The following CEP104 variants were observed in gnomAD, a reference collection of about 807,000 sequenced individuals.
The protein encoded by CEP104 is centrosomal protein 104, also known as centrosomal protein of 104 kDa.
A neutral mutation model predicts 113.3 loss-of-function variants in CEP104; 84 were observed. That is an observed-to-expected ratio of 0.74 (90% CI 0.62 to 0.89). CEP104 has a LOEUF of 0.89. CEP104 is among the 40% of genes least tolerant of loss of function. CEP104 has a pLI of 0.00. For missense variants in CEP104, 1,053 were observed against 1,156.6 expected (o/e 0.91, Z 1.30); for synonymous variants, 378 against 421.7 (o/e 0.90, Z 1.27).
rs183971156 is a variant in CEP104 at position 3,850,438 on chromosome 1, C to T, written c.114-1657G>A. 2.6e-5 allele frequency among the ~76,000 whole-genome samples: 4 copies of T among 152,312 alleles called. No individual in the cohort carries two copies. In the East Asian group the frequency reaches 5.8e-4, roughly 22 times the overall value. On this transcript the variant is annotated intron_variant, in intron 2 of 21. Transcript: ENST00000378230. ...GGGGCTACGGTTGGTGCAAACTTTACGGTTTCTTGGAAAAACGTCTTGCTC... is the reference window on the plus strand; with the variant it reads ...GGGGCTACGGTTGGTGCAAACTTTATGGTTTCTTGGAAAAACGTCTTGCTC...
chr1:3,816,188 T>A (rs937494314), intron 21 of CEP104, 92 bp downstream of exon 21: 2 of 1,085,624 alleles, frequency 1.8e-6, no homozygotes, highest in Admixed American at 2.5e-5. Context: ...AGGGATGGGG[T>A]CTTGCCATGT....
At chr1:3,843,310 C>A (rs578091906) in intron 6 of CEP104, 1 of 641,308 alleles carries the variant, frequency 1.6e-6, no homozygotes, top group East Asian at 2.9e-5. Context: ...GATTCACCCC[C>A]GGTTCTTACA....
In CEP104 at chr1:3,829,837, T is replaced by C; in HGVS notation, c.1997A>G (p.Glu666Gly). ...TCTGCCATCTATTTTAGCAAATCCC[T>C]CAAAAATTGTTTTGTAGAGAATGTT... ...RRNILYKTIF[E>G]GFAKIDGRAT... is the part of the protein sequence containing the mutation. The change falls in exon 14 of 22, where the codon GAG (glutamate) becomes GGG (glycine). Residue 666 changes from glutamate (E) to glycine (G), a missense_variant. Physicochemically the swap from Glu to Gly is moderately conservative, Grantham distance 98. Coordinates refer to ENST00000378230, the MANE Select transcript of CEP104 (RefSeq NM_014704.4). 1 of 1,614,222 alleles carries C rather than the reference T, an allele frequency of 6.2e-7. No individual in the cohort carries two copies. Among genetic ancestry groups the C allele is most frequent in the Middle Eastern group, 1.6e-4 (1 of 6,062 alleles).
At position 3,816,316 on chromosome 1, in the gene CEP104, T is replaced by C. The variant is rs1170789238; in HGVS notation, c.2626A>G (p.Thr876Ala). 1.3e-6 allele frequency: 2 copies of C among 1,553,638 alleles called. No individual in the cohort carries two copies. Among genetic ancestry groups the C allele is most frequent in the Non-Finnish European group, 1.7e-6 (2 of 1,148,084 alleles). ...PAGCTMNLRKTHILQKAPALQ... is the reference protein window; with the variant it reads ...PAGCTMNLRKAHILQKAPALQ... ...GCCGGGGCCTTCTGCAGAATGTGTG[T>C]CTTGCGCAGGTTCATCGTGCAGCCG... is the stretch of plus-strand genomic sequence containing the variant. Residue 876 changes from threonine (T) to alanine (A), a missense_variant, in exon 21 of 22, where the codon ACA becomes GCA. Physicochemically the swap from Thr to Ala is moderately conservative, Grantham distance 58. Transcript: ENST00000378230.
chr1:3,825,295 C>T (rs1223240680), intron 18 of CEP104, among the ~76,000 whole-genome samples: 1 of 152,226 alleles, frequency 6.6e-6, no homozygotes, highest in East Asian at 1.9e-4. Context: ...AAGTGCATTC[C>T]TGTGCATCCT....
chr1:3,848,843 G>A lies in CEP104; in HGVS notation c.114-62C>T. 8 of 1,394,980 alleles carry A rather than the reference G, an allele frequency of 5.7e-6. No individual in the cohort carries two copies. In the South Asian group the frequency reaches 8.6e-5, roughly 15 times the overall value. The allele number at this position is 1,394,980 out of a possible 1,614,324, so 86.4% of individuals were successfully genotyped here. On this transcript the variant is annotated intron_variant, in intron 2 of 21. Coordinates refer to ENST00000378230, the MANE Select transcript of CEP104 (RefSeq NM_014704.4). ...TTCTGCAGAGGGTTTCTAGATGCTA[G>A]CATCTCATTCTTGCAGGTAAGAAGC...
chr1:3,852,196 A>G, intron 2 of CEP104, 99 bp downstream of exon 2: 1 of 1,142,192 alleles, frequency 8.8e-7, no homozygotes, highest in Non-Finnish European at 1.2e-6. Flanking sequence ...TGTCCGAGTG[A>G]TAGTAAAATC....
In CEP104 at chr1:3,838,988, C is replaced by A; in HGVS notation, c.867G>T (p.Leu289=). ...YRAEVYEQLE[L]HSLLDAELMR... ...CCAGCTCGGCATCCAGGAGGCTGTG[C>A]AGCTCCAGCTGCTCGTACACCTCGG... The change falls in exon 8 of 22, where the codon CTG becomes CTT. Residue 289 remains leucine, a synonymous_variant. Coordinates refer to ENST00000378230, the MANE Select transcript of CEP104 (RefSeq NM_014704.4). 6.2e-7 allele frequency: 1 copy of A among 1,614,164 alleles called. No homozygotes were observed. Among genetic ancestry groups the A allele is most frequent in the Non-Finnish European group, 8.5e-7 (1 of 1,180,036 alleles).
chr1:3,838,062 C>T (rs1236192708), intron 8 of CEP104, among the ~76,000 whole-genome samples: 1 of 152,228 alleles, frequency 6.6e-6, no homozygotes, highest in East Asian at 1.9e-4. Context: ...TGATGGAAAA[C>T]TGAGGCATAA....
In CEP104 at chr1:3,815,392, G is replaced by GA. The variant is rs1643864820; in HGVS notation, c.*9dup. Reference sequence around the variant, plus strand: ...ATCCCTCACAGAGACCAAGGAGCCCGAGCGCCGCGTCAGCGCTTGGCGTAC... The same window carrying GA: ...ATCCCTCACAGAGACCAAGGAGCCCGAAGCGCCGCGTCAGCGCTTGGCGTAC... On this transcript the variant is annotated 3_prime_UTR_variant, in exon 22 of 22. Coordinates refer to ENST00000378230, the MANE Select transcript of CEP104 (RefSeq NM_014704.4). 6.3e-7 allele frequency: 1 copy of GA among 1,589,034 alleles called. No homozygotes were observed. Among genetic ancestry groups the GA allele is most frequent in the Non-Finnish European group, 8.6e-7 (1 of 1,163,748 alleles).
At chr1:3,843,049 A>T in intron 6 of CEP104, 2 of 496,228 alleles carry the variant, frequency 4.0e-6, no homozygotes, top group Non-Finnish European at 7.4e-6. Flanking sequence ...CAGCCTCCCA[A>T]AGTGCTGGGA....
intron 2 of CEP104, among the ~76,000 whole-genome samples, chr1:3,850,950 G>A (rs1006771012): frequency 1.5e-4 from 23 of 152,364 alleles, no homozygotes; most frequent in African/African-American, 4.1e-4. Context: ...AACATGTGCT[G>A]TGAGCGTACA....
At chr1:3,826,883 A>C in intron 15 of CEP104, 139 bp from the exon 16 acceptor site, 60 of 862,972 alleles carry the variant, frequency 7.0e-5, no homozygotes, top group Non-Finnish European at 1.1e-4. Context: ...AAGGTGGCTC[A>C]TGCCCGTAAT....
Position 3,836,492 on chromosome 1 carries a change from TACCAA to T in CEP104, c.1315_1317+2del. The T allele has an allele frequency of 6.5e-7, 1 of 1,543,054 alleles. No homozygotes were observed. The highest frequency in any genetic ancestry group is 2.3e-5 in the East Asian group (1 of 43,300). On this transcript the variant is annotated splice_donor_variant and coding_sequence_variant, in exon 10 of 22. Transcript: ENST00000378230. LOFTEE classifies it high-confidence loss of function. ...CGTTTTTTTTTTTTTTTTTTTTTTT[TACCAA>T]GGTTTCTCCCAACACATCGATGGCA... is the stretch of plus-strand genomic sequence containing the variant.
chr1:3,833,990 A>T lies in CEP104; in HGVS notation c.1531T>A (p.Tyr511Asn). ...LKLLKMIITQ[Y>N]IPKHKLSKLE... Reference sequence around the variant, plus strand: ...TTACTCAGTTTATGTTTAGGAATATATTGTGTAATGATCATTTTCAACAAT... The same window carrying T: ...TTACTCAGTTTATGTTTAGGAATATTTTGTGTAATGATCATTTTCAACAAT... Residue 511 changes from tyrosine to asparagine, a missense_variant, in exon 12 of 22, where the codon TAT (tyrosine) becomes AAT (asparagine). Tyr to Asn is a moderately radical substitution (Grantham distance 143). Coordinates refer to ENST00000378230, the MANE Select transcript of CEP104 (RefSeq NM_014704.4). The T allele has an allele frequency of 6.2e-7, 1 of 1,613,776 alleles. No homozygotes were observed. The highest frequency in any genetic ancestry group is 1.1e-5 in the South Asian group (1 of 91,070).
chr1:3,830,073 T>C (rs958847809), intron 13 of CEP104, 76 bp from the exon 14 acceptor site: 2 of 1,039,716 alleles, frequency 1.9e-6, no homozygotes, highest in African/African-American at 3.2e-5. Flanking sequence ...AAAGGTACAT[T>C]ATAAACATGT....
chr1:3,830,042 T>A, intron 13 of CEP104, 45 bp from the exon 14 acceptor site: 1 of 1,385,516 alleles, frequency 7.2e-7, no homozygotes, highest in Non-Finnish European at 1.0e-6. Context: ...AAAATAAAAC[T>A]AATTTCTTCC....
rs1189678912 is a variant in CEP104 at position 3,829,963 on chromosome 1, TCATA to T, written c.1867_1870del (p.Tyr623ArgfsTer48). 6.2e-7 allele frequency: 1 copy of T among 1,614,198 alleles called. No homozygotes were observed. The highest frequency in any genetic ancestry group is 1.7e-5 in the Admixed American group (1 of 60,022). ...AATTCGAACCGCCGTCTCGCGGACC[TCATA>T]CACTCTATGCTCCAGGGCACTCACT... is the stretch of plus-strand genomic sequence containing the variant. On this transcript the variant is annotated frameshift_variant, in exon 14 of 22. Coordinates refer to ENST00000378230, the MANE Select transcript of CEP104 (RefSeq NM_014704.4). LOFTEE classifies it high-confidence loss of function.
At position 3,833,890 on chromosome 1, in the gene CEP104, A is replaced by T. The variant is rs772547053; in HGVS notation, c.1631T>A (p.Leu544His). The change falls in exon 12 of 22, where the codon CTC becomes CAC. Residue 544 changes from leucine (L) to histidine (H), a missense_variant. Coordinates refer to ENST00000378230, the MANE Select transcript of CEP104 (RefSeq NM_014704.4). ...AATAAAATTTGCAGCTGTGACGCGG[A>T]GGCGGGCAGAAGAATCTCCAGTTCT... ...LTRTGDSSAR[L>H]RVTAANFIQE... 59 of 1,614,128 alleles carry T rather than the reference A, an allele frequency of 3.7e-5. 1 individual carries two copies. The highest frequency in any genetic ancestry group is 1.0e-4 in the Admixed American group (6 of 60,002).
Sources: gnomAD v4.1 joint callset for allele counts (sites outside exome capture counted in the v4.1 genomes callset) on GRCh38, gnomAD v4.1.1 for gene constraint, MANE v1.5 for transcripts, NCBI Gene and HGNC (gene_info 2026-07-23, HGNC 2026-07-21) for gene names.